The following GALNT13 variants were observed in gnomAD, a reference collection of about 807,000 sequenced individuals.
The protein encoded by GALNT13 is polypeptide N-acetylgalactosaminyltransferase 13, also known as UDP-GalNAc:polypeptide N-acetylgalactosaminyltransferase 13.
GALNT13 carries 28 observed loss-of-function variants against 64.2 expected under a neutral mutation model. The ratio of observed to expected loss-of-function variants is 0.44; its 90% CI spans 0.32 to 0.60. The LOEUF is 0.60. GALNT13 is among the 20% of genes least tolerant of loss of function. The probability of loss-of-function intolerance (pLI) is 0.05; values close to 1 mark genes in which losing one functional copy is unlikely to be tolerated. For missense variants in GALNT13, 577 were observed against 669.8 expected (o/e 0.86, Z 1.53); for synonymous variants, 214 against 224.6 (o/e 0.95, Z 0.42).
the GALNT13 span, among the ~76,000 whole-genome samples, chr2:153,277,342 A>C: frequency 6.6e-6 from 1 of 152,150 alleles, no homozygotes; most frequent in Non-Finnish European, 1.5e-5. Flanking sequence ...TGCTTAGGAT[A>C]TCGGCCTCCA....
chr2:153,975,754 TG>T (rs1694036386), intron 3 of GALNT13, among the ~76,000 whole-genome samples: 1 of 152,088 alleles, frequency 6.6e-6, no homozygotes, highest in Non-Finnish European at 1.5e-5. Context: ...TATAGCTTGG[TG>T]GCTACAGTTC....
chr2:153,190,254 T>A, the GALNT13 span, among the ~76,000 whole-genome samples: 1 of 152,032 alleles, frequency 6.6e-6, no homozygotes, highest in Non-Finnish European at 1.5e-5. Flanking sequence ...TTTAAGTAAT[T>A]TTCTATATGG....
chr2:153,526,019 C>T, the GALNT13 span, among the ~76,000 whole-genome samples: 5 of 152,206 alleles, frequency 3.3e-5, no homozygotes, highest in East Asian at 3.9e-4. Context: ...GGCTTGAGTG[C>T]GAGCTCAGCT....
At chr2:153,553,659 T>A in the GALNT13 span, among the ~76,000 whole-genome samples, 1 of 152,024 alleles carries the variant, frequency 6.6e-6, no homozygotes, top group African/African-American at 2.4e-5. Context: ...AAACTGTGGG[T>A]TTTAGAGAGT....
intron 7 of GALNT13, among the ~76,000 whole-genome samples, chr2:154,256,653 A>G (rs937103149): frequency 6.6e-6 from 1 of 152,146 alleles, no homozygotes; most frequent in African/African-American, 2.4e-5. Flanking sequence ...ACAACAACAA[A>G]GATAAATTAC....
chr2:153,938,981 A>G (rs994863980), intron 2 of GALNT13, among the ~76,000 whole-genome samples: 1 of 152,160 alleles, frequency 6.6e-6, no homozygotes, highest in Non-Finnish European at 1.5e-5. Context: ...TTGGAGTGAG[A>G]GAGGGCGTAT....
the GALNT13 span, among the ~76,000 whole-genome samples, chr2:153,372,175 C>A: frequency 6.6e-6 from 1 of 152,130 alleles, no homozygotes; most frequent in Non-Finnish European, 1.5e-5. Flanking sequence ...GGAATGGGGG[C>A]GGCATGTGGT....
At chr2:153,673,480 C>T in the GALNT13 span, among the ~76,000 whole-genome samples, 1 of 152,144 alleles carries the variant, frequency 6.6e-6, no homozygotes, top group East Asian at 1.9e-4. Context: ...TCAATAGATG[C>T]AGAAAAAGCC....
intron 1 of GALNT13, among the ~76,000 whole-genome samples, chr2:153,886,682 A>G (rs1687204175): frequency 6.6e-6 from 1 of 151,884 alleles, no homozygotes; most frequent in South Asian, 2.1e-4. Context: ...TGGTCCCCTC[A>G]TTTTACCATT....
intron 9 of GALNT13, among the ~76,000 whole-genome samples, chr2:154,311,689 C>T (rs1694049552): frequency 6.6e-6 from 1 of 152,146 alleles, no homozygotes; most frequent in Non-Finnish European, 1.5e-5. Context: ...TCCTAATAAG[C>T]CTGGGAGCGC....
chr2:153,834,074 T>C, the GALNT13 span, among the ~76,000 whole-genome samples: 2 of 152,148 alleles, frequency 1.3e-5, no homozygotes, highest in Non-Finnish European at 2.9e-5. Flanking sequence ...ATTGAAAAAG[T>C]TAATATACCG....
At chr2:153,384,454 GC>G in the GALNT13 span, among the ~76,000 whole-genome samples, 1 of 152,010 alleles carries the variant, frequency 6.6e-6, no homozygotes, top group Admixed American at 6.6e-5. Context: ...CTAGCTGGGT[GC>G]TTTAATGGGA....
the GALNT13 span, among the ~76,000 whole-genome samples, chr2:153,360,647 C>T: frequency 3.3e-5 from 5 of 152,238 alleles, no homozygotes; most frequent in Non-Finnish European, 5.9e-5. Context: ...CCCATCCCTC[C>T]TCACCAGGTG....
chr2:153,605,475 A>G, the GALNT13 span, among the ~76,000 whole-genome samples: 1 of 152,114 alleles, frequency 6.6e-6, no homozygotes, highest in Admixed American at 6.6e-5. Context: ...CTTCTTAAAT[A>G]TAAGGATGTC....
chr2:153,963,241 G>A (rs921214940), intron 3 of GALNT13, among the ~76,000 whole-genome samples: 1 of 152,152 alleles, frequency 6.6e-6, no homozygotes, highest in Admixed American at 6.5e-5. Flanking sequence ...ACACCTAAAA[G>A]TCTTCACCTC....
At chr2:154,359,724 C>T (rs981373434) in intron 9 of GALNT13, among the ~76,000 whole-genome samples, 1 of 152,082 alleles carries the variant, frequency 6.6e-6, no homozygotes, top group Non-Finnish European at 1.5e-5. Flanking sequence ...TAATGATTTT[C>T]CTTACCCATT....
At chr2:153,086,342 G>C in the GALNT13 span, among the ~76,000 whole-genome samples, 1 of 152,126 alleles carries the variant, frequency 6.6e-6, no homozygotes, top group Admixed American at 6.5e-5. Context: ...GAGGGGCCAG[G>C]GATGAAATGA....
At chr2:153,625,509 C>T in the GALNT13 span, among the ~76,000 whole-genome samples, 5 of 152,064 alleles carry the variant, frequency 3.3e-5, no homozygotes, top group African/African-American at 7.2e-5. Context: ...AAAAGTCACA[C>T]ATGCCACAGA....
chr2:153,854,562 C>T, the GALNT13 span, among the ~76,000 whole-genome samples: 1 of 151,956 alleles, frequency 6.6e-6, no homozygotes, highest in African/African-American at 2.4e-5. Context: ...GCTTGGGGAA[C>T]AAGAGCAAAA....
Sources: allele counts gnomAD v4.1 joint callset (sites outside exome capture counted in the v4.1 genomes callset), GRCh38; gene constraint gnomAD v4.1.1; transcripts MANE v1.5; gene names NCBI Gene and HGNC (gene_info 2026-07-23, HGNC 2026-07-21).